UBLCP1: variants seen among roughly 807,000 people sequenced by gnomAD.
UBLCP1 encodes the protein ubiquitin like domain containing CTD phosphatase 1.
UBLCP1 carries 28 observed loss-of-function variants against 42.4 expected under a neutral mutation model. The ratio of observed to expected loss-of-function variants is 0.66; its 90% CI spans 0.49 to 0.90. The LOEUF is 0.90. Among genes scored for constraint, UBLCP1 ranks in the 40% least tolerant of loss-of-function variants. The pLI, the probability that UBLCP1 is intolerant of heterozygous loss-of-function variation, is 0.00. For synonymous variants in UBLCP1, 122 were observed against 120.8 expected, an observed-to-expected ratio of 1.01 and a Z score of -0.07; for missense variants, 279 against 374.5, an observed-to-expected ratio of 0.75 and a Z score of 2.10.
chr5:159,271,576 C>G (rs1584738692), intron 5 of UBLCP1, among the ~76,000 whole-genome samples: 1 of 152,130 alleles, frequency 6.6e-6, no homozygotes, highest in African/African-American at 2.4e-5. Flanking sequence ...TAACCCTAAA[C>G]CTAAAACATA....
Position 159,285,148 on chromosome 5 carries a change from T to A in UBLCP1, c.*217T>A. On this transcript the variant is annotated 3_prime_UTR_variant, in exon 11 of 11. Coordinates refer to ENST00000296786, the MANE Select transcript of UBLCP1 (RefSeq NM_145049.5). ...CCCTATATGAATATTCTGTTACGCT[T>A]GAAAAATATTTTCTCCAGCGTTGGT... 2 of 451,864 alleles carry A rather than the reference T, an allele frequency of 4.4e-6. No individual in the cohort carries two copies. Among genetic ancestry groups the A allele is most frequent in the Non-Finnish European group, 8.1e-6 (2 of 248,132 alleles). The allele number at this position is 451,864 out of a possible 1,614,324, so 28.0% of individuals were successfully genotyped here.
chr5:159,284,779 GACTATTAAGAATA>G, intron 10 of UBLCP1, 112 bp from the exon 11 acceptor site: 1 of 934,412 alleles, frequency 1.1e-6, no homozygotes, highest in South Asian at 1.3e-5. Flanking sequence ...AGATGTAAGT[GACTATTAAGAATA>G]CTCATCTTGA....
At chr5:159,270,103 A>G (rs1448666380) in intron 3 of UBLCP1, 104 bp downstream of exon 3, 5 of 1,040,198 alleles carry the variant, frequency 4.8e-6, no homozygotes, top group Non-Finnish European at 6.9e-6. Flanking sequence ...TCAGTCTAGC[A>G]ATCAATGAAA....
intron 2 of UBLCP1, 69 bp downstream of exon 2, chr5:159,269,138 G>C: frequency 8.6e-7 from 1 of 1,156,184 alleles, no homozygotes; most frequent in Non-Finnish European, 1.2e-6. Context: ...TAATTATTTT[G>C]AATATAATTG....
chr5:159,269,017 C>T lies in UBLCP1; in HGVS notation c.102C>T (p.Thr34=), dbSNP rs201780569. The change falls in exon 2 of 11, where the codon ACC becomes ACT. Residue 34 remains threonine (T), a synonymous_variant. Coordinates refer to ENST00000296786, the MANE Select transcript of UBLCP1 (RefSeq NM_145049.5). ...TCGATCTCAAACAGTTTCTCAAGAC[C>T]CTTACAGGAGTTCTTCCAGAACGCC... is the stretch of plus-strand genomic sequence containing the variant. ...TVLDLKQFLK[T]LTGVLPERQK... 3.7e-6 allele frequency: 6 copies of T among 1,607,030 alleles called. No homozygotes were observed. The highest frequency in any genetic ancestry group is 1.7e-5 in the Admixed American group (1 of 58,668).
intron 1 of UBLCP1, 137 bp downstream of exon 1, chr5:159,263,497 A>T (rs955857460): frequency 6.6e-6 from 1 of 152,370 alleles, no homozygotes; most frequent in Admixed American, 6.5e-5. Flanking sequence ...TCTGACGCCC[A>T]GGCCCCTAGC....
chr5:159,267,772 A>G (rs1176257362), intron 1 of UBLCP1, among the ~76,000 whole-genome samples: 8 of 152,218 alleles, frequency 5.3e-5, no homozygotes, highest in African/African-American at 1.9e-4. Context: ...TGGGTTTATC[A>G]GGGGTTTCCG....
intron 7 of UBLCP1, 44 bp downstream of exon 7, chr5:159,274,666 C>T (rs1192742970): frequency 2.6e-6 from 4 of 1,549,048 alleles, no homozygotes; most frequent in Non-Finnish European, 3.5e-6. Context: ...TTTCAAACTG[C>T]ATTTGTCTTG....
intron 9 of UBLCP1, among the ~76,000 whole-genome samples, chr5:159,281,625 G>A (rs2113322740): frequency 6.6e-6 from 1 of 152,336 alleles, no homozygotes; most frequent in East Asian, 1.9e-4. Flanking sequence ...GCACCAAGCT[G>A]TTCTGATGAG....
intron 9 of UBLCP1, among the ~76,000 whole-genome samples, chr5:159,279,529 G>C (rs546517931): frequency 7.0e-6 from 1 of 142,442 alleles, no homozygotes; most frequent in East Asian, 2.1e-4. Context: ...GTCCTTGGTA[G>C]TTTTAAAAGA....
In UBLCP1 at chr5:159,285,196, C is replaced by CCA. The variant is rs70987962; in HGVS notation, c.*312_*313dup. 11,216 of 251,764 alleles carry CCA rather than the reference C, an allele frequency of 0.045. 821 individuals are homozygous for CCA. The highest frequency in any genetic ancestry group is 0.13 in the African/African-American group (4,015 of 30,686). 15.6% of individuals were successfully genotyped at this position (251,764 alleles called of 1,614,324 possible). ...GGTTACTGACCACCCCACCCTCCCA[C>CCA]CACACACACACACACACACACACAC... On this transcript the variant is annotated 3_prime_UTR_variant, in exon 11 of 11. Coordinates refer to ENST00000296786, the MANE Select transcript of UBLCP1 (RefSeq NM_145049.5).
In UBLCP1 at chr5:159,284,950, G is replaced by C. The variant is rs1562102650; in HGVS notation, c.*19G>C. ...ACAGTAGTTACAAGTTATACTGGCA[G>C]TTATTGAAGATACTTAAGATCCAAG... On this transcript the variant is annotated 3_prime_UTR_variant, in exon 11 of 11. Coordinates refer to ENST00000296786, the MANE Select transcript of UBLCP1 (RefSeq NM_145049.5). 6.2e-6 allele frequency: 10 copies of C among 1,610,746 alleles called. No homozygotes were observed. Among genetic ancestry groups the C allele is most frequent in the Non-Finnish European group, 7.6e-6 (9 of 1,177,430 alleles).
chr5:159,279,394 G>A (rs1302986521), intron 9 of UBLCP1, among the ~76,000 whole-genome samples: 4 of 152,148 alleles, frequency 2.6e-5, no homozygotes, highest in South Asian at 4.1e-4. Flanking sequence ...ACATGTTGGC[G>A]CAATATGAAA....
intron 6 of UBLCP1, 109 bp from the exon 7 acceptor site, chr5:159,274,476 C>G: frequency 1.2e-6 from 1 of 814,140 alleles, no homozygotes; most frequent in Non-Finnish European, 1.9e-6. Flanking sequence ...ACTGTTAATT[C>G]TGATGCATTT....
chr5:159,274,601 G>A lies in UBLCP1; in HGVS notation c.564G>A (p.Lys188=). ...DIVIWSATNM[K]WIEAKMKELG... is the part of the protein sequence containing the mutation. ...GTGTTTTAGCTGCAACAAATATGAA[G>A]TGGATTGAAGCTAAAATGAAAGTAA... The change falls in exon 7 of 11, where the codon AAG becomes AAA. Residue 188 remains lysine, a synonymous_variant. Coordinates refer to ENST00000296786, the MANE Select transcript of UBLCP1 (RefSeq NM_145049.5). 4 of 1,611,320 alleles carry A rather than the reference G, an allele frequency of 2.5e-6. No homozygotes were observed. The highest frequency in any genetic ancestry group is 1.7e-6 in the Non-Finnish European group (2 of 1,178,534).
At chr5:159,280,862 G>A (rs1753599177) in intron 9 of UBLCP1, among the ~76,000 whole-genome samples, 1 of 152,170 alleles carries the variant, frequency 6.6e-6, no homozygotes, top group African/African-American at 2.4e-5. Context: ...TTTATCGGCT[G>A]AAAACTCCAT....
chr5:159,270,468 G>A, intron 4 of UBLCP1, 23 bp downstream of exon 4: 11 of 1,608,696 alleles, frequency 6.8e-6, no homozygotes, highest in Non-Finnish European at 9.4e-6. Context: ...CGCTTTAGAA[G>A]TAATCAGTTG....
intron 1 of UBLCP1, among the ~76,000 whole-genome samples, chr5:159,267,846 A>G (rs1268184179): frequency 1.3e-5 from 2 of 152,196 alleles, no homozygotes; most frequent in African/African-American, 4.8e-5. Context: ...GCCTTCCACC[A>G]TGATTCTGAG....
At chr5:159,284,048 T>A (rs1234385212) in intron 10 of UBLCP1, among the ~76,000 whole-genome samples, 6 of 152,172 alleles carry the variant, frequency 3.9e-5, no homozygotes, top group Non-Finnish European at 8.8e-5. Context: ...AAGAAACTAT[T>A]TGTGTAATAA....
Sources: gnomAD v4.1 joint callset for allele counts (sites outside exome capture counted in the v4.1 genomes callset) on GRCh38, gnomAD v4.1.1 for gene constraint, MANE v1.5 for transcripts, NCBI Gene and HGNC (gene_info 2026-07-23, HGNC 2026-07-21) for gene names.